The following MTO1 variants were observed in gnomAD, a reference collection of about 807,000 sequenced individuals.
The protein encoded by MTO1 is 5-taurinomethyluridine-[tRNA] synthase subunit MTO1, mitochondrial.
In MTO1, 46 loss-of-function variants were observed where a neutral mutation model predicts 71.6. The observed-to-expected ratio is 0.64, with a 90% CI of 0.51 to 0.82. The LOEUF (loss-of-function observed/expected upper bound fraction) is 0.82. Ranked by LOEUF, MTO1 falls within the 40% of genes least tolerant of loss-of-function variation. MTO1 has a pLI of 0.00. For missense variants in MTO1, 773 were observed against 867.5 expected, an observed-to-expected ratio of 0.89 and a Z score of 1.37; for synonymous variants, 297 against 312.1, an observed-to-expected ratio of 0.95 and a Z score of 0.51.
intron 3 of MTO1, among the ~76,000 whole-genome samples, chr6:73,473,001 C>T (rs966419273): frequency 1.1e-4 from 16 of 152,146 alleles, no homozygotes; most frequent in East Asian, 3.9e-4. Flanking sequence ...TTAGGCCGGG[C>T]GCGGTGGCTC....
chr6:73,473,849 C>T (rs964125604), intron 4 of MTO1, among the ~76,000 whole-genome samples, 195 bp downstream of exon 4: 2 of 144,608 alleles, frequency 1.4e-5, no homozygotes, highest in South Asian at 2.2e-4. Context: ...TGCAGTGGTA[C>T]AATTATGGGT....
Position 73,498,333 on chromosome 6 carries a change from T to G in MTO1, c.1917+437T>G, listed in dbSNP as rs187793006. Among the ~76,000 whole-genome samples, 10 of 152,030 alleles carry G rather than the reference T, an allele frequency of 6.6e-5. No homozygotes were observed. In the East Asian group the frequency reaches 1.7e-3, roughly 26 times the overall value. ...AATAACTGGAAGTCAAGAATTGGTT[T>G]GATTGGAACTATTCTCTAGTCCCAA... is the stretch of plus-strand genomic sequence containing the variant. On this transcript the variant is annotated intron_variant, in intron 11 of 11. Transcript: ENST00000498286.
Position 73,508,044 on chromosome 6 carries a change from C to T in MTO1, c.*7309C>T. 6.6e-6 allele frequency: 1 copy of T among 151,330 alleles called. No homozygotes were observed. Among genetic ancestry groups the T allele is most frequent in the Non-Finnish European group, 1.5e-5 (1 of 67,912 alleles). 9.4% of individuals were successfully genotyped at this position (151,330 alleles called of 1,614,324 possible). On this transcript the variant is annotated 3_prime_UTR_variant, in exon 12 of 12. Transcript: ENST00000498286. ...CAATCTGGAAGTCTGTTTCTCTTAACCTTCAGTTCCCATTCCAATCCTTTG... is the reference window on the plus strand; with the variant it reads ...CAATCTGGAAGTCTGTTTCTCTTAATCTTCAGTTCCCATTCCAATCCTTTG...
Position 73,480,747 on chromosome 6 carries a change from G to T in MTO1, c.1202G>T (p.Arg401Leu), listed in dbSNP as rs760900956. 6.2e-7 allele frequency: 1 copy of T among 1,613,836 alleles called. No homozygotes were observed. The highest frequency in any genetic ancestry group is 1.3e-5 in the African/African-American group (1 of 74,872). The change falls in exon 7 of 12, where the codon CGA (arginine) becomes CTA (leucine). Residue 401 changes from arginine to leucine, a missense_variant. Coordinates refer to ENST00000498286, the MANE Select transcript of MTO1 (RefSeq NM_012123.4). The part of the protein sequence containing the change: ...TPSLETHLVQ[R>L]LFFAGQINGT... Reference sequence around the variant, plus strand: ...TCCTTGGAGACTCATTTGGTTCAACGACTCTTCTTTGCTGGACAGATCAAT... The same window carrying T: ...TCCTTGGAGACTCATTTGGTTCAACTACTCTTCTTTGCTGGACAGATCAAT...
intron 9 of MTO1, among the ~76,000 whole-genome samples, chr6:73,487,258 T>A (rs1336620103): frequency 1.3e-5 from 2 of 151,112 alleles, no homozygotes; most frequent in Admixed American, 6.6e-5. Flanking sequence ...AGTGGCACAA[T>A]TTCTGCTCAC....
Position 73,461,921 on chromosome 6 carries a change from G to A in MTO1, c.67G>A (p.Ala23Thr), listed in dbSNP as rs1220022898. ...VSFTKQQFPL[A>T]RLSSDSAAPR... ...CTTCACCAAGCAGCAATTTCCGTTG[G>A]CACGGTTGAGCAGTGACAGCGCGGC... Residue 23 changes from alanine to threonine, a missense_variant, in exon 1 of 12, where the codon GCA becomes ACA. Physicochemically the swap from Ala to Thr is moderately conservative, Grantham distance 58. Coordinates refer to ENST00000498286, the MANE Select transcript of MTO1 (RefSeq NM_012123.4). The A allele has an allele frequency of 1.9e-6, 3 of 1,614,230 alleles. 1 individual carries two copies. The South Asian group carries it at 3.3e-5, about 18-fold the overall frequency.
chr6:73,468,321 G>A (rs11969010), intron 3 of MTO1, among the ~76,000 whole-genome samples: 5,134 of 152,106 alleles, frequency 0.034, 298 homozygotes, highest in Admixed American at 0.15. Context: ...GTTTCACCAT[G>A]TTGGTCAGGC....
In MTO1 at chr6:73,497,844, T is replaced by C; in HGVS notation, c.1865T>C (p.Val622Ala). The change falls in exon 11 of 12, where the codon GTG (valine) becomes GCG (alanine). Residue 622 changes from valine to alanine, a missense_variant. Physicochemically the swap from Val to Ala is moderately conservative, Grantham distance 64 (BLOSUM62 0). Coordinates refer to ENST00000498286, the MANE Select transcript of MTO1 (RefSeq NM_012123.4). ...CTAGATTATTTGACTATCAGGGATG[T>C]GTCTTTGTCCCATGAAGTTCGAGAG... Reference protein sequence around the residue: ...KDLDYLTIRDVSLSHEVREKL... With the variant: ...KDLDYLTIRDASLSHEVREKL... The C allele has an allele frequency of 6.2e-7, 1 of 1,613,986 alleles. No homozygotes were observed. The highest frequency in any genetic ancestry group is 8.5e-7 in the Non-Finnish European group (1 of 1,179,874).
chr6:73,474,604 A>G (rs1316624613), intron 4 of MTO1, among the ~76,000 whole-genome samples: 1 of 151,126 alleles, frequency 6.6e-6, no homozygotes, highest in Admixed American at 6.6e-5. Flanking sequence ...ACCCGCCATC[A>G]TGCCTGGCTA....
Position 73,504,541 on chromosome 6 carries a change from A to G in MTO1, c.*3806A>G, listed in dbSNP as rs1309519485. On this transcript the variant is annotated 3_prime_UTR_variant, in exon 12 of 12. Coordinates refer to ENST00000498286, the MANE Select transcript of MTO1 (RefSeq NM_012123.4). ...CTTTTTAAATAGATTAATGAATACT[A>G]CTAAAGGCAAGAAATGGTATTACTA... 1 of 152,244 alleles carries G rather than the reference A, an allele frequency of 6.6e-6. No individual in the cohort carries two copies. Among genetic ancestry groups the G allele is most frequent in the Non-Finnish European group, 1.5e-5 (1 of 68,046 alleles). The allele number at this position is 152,244 out of a possible 1,614,324, so 9.4% of individuals were successfully genotyped here. A position where few individuals can be genotyped will look rare whatever the true frequency, so the allele number is the denominator to read the frequency against.
At chr6:73,476,027 T>C (rs940785602) in intron 4 of MTO1, among the ~76,000 whole-genome samples, 26 of 152,018 alleles carry the variant, frequency 1.7e-4, no homozygotes, top group African/African-American at 6.3e-4. Context: ...TGGGGTGGGA[T>C]TTCAGACATA....
At chr6:73,477,765 C>T (rs1341813015) in intron 4 of MTO1, among the ~76,000 whole-genome samples, 1 of 151,888 alleles carries the variant, frequency 6.6e-6, no homozygotes, top group Non-Finnish European at 1.5e-5. Flanking sequence ...CCTTGGGCCC[C>T]AAAAGTGCTG....
chr6:73,487,164 G>C (rs908589820), intron 9 of MTO1, among the ~76,000 whole-genome samples: 3 of 150,668 alleles, frequency 2.0e-5, no homozygotes, highest in African/African-American at 7.3e-5. Context: ...ATGAACATGG[G>C]TATACAAAGA....
chr6:73,494,394 A>G (rs1561953039), intron 10 of MTO1, among the ~76,000 whole-genome samples: 1 of 152,200 alleles, frequency 6.6e-6, no homozygotes. Flanking sequence ...TGCTGTTCAA[A>G]CAGGAAAAGA....
At position 73,470,010 on chromosome 6, in the gene MTO1, A is replaced by G. The variant is rs540752486; in HGVS notation, c.536-3355A>G. 4.6e-5 allele frequency among the ~76,000 whole-genome samples: 7 copies of G among 152,242 alleles called. No homozygotes were observed. The South Asian group carries it at 1.5e-3, about 32-fold the overall frequency. The stretch of plus-strand genomic sequence containing the variant: ...CGAGCAAAACTCCGTCTCAAAAAAA[A>G]AGAAAAGATTTGAACCAGCCTTTTG... On this transcript the variant is annotated intron_variant, in intron 3 of 11. Transcript: ENST00000498286.
chr6:73,481,772 T>TA (rs1220769645), intron 7 of MTO1, among the ~76,000 whole-genome samples: 1 of 151,764 alleles, frequency 6.6e-6, no homozygotes, highest in Admixed American at 6.6e-5. Context: ...TGTCTCCGGA[T>TA]AAAAAAAAGA....
chr6:73,469,782 G>C (rs1240437262), intron 3 of MTO1, among the ~76,000 whole-genome samples: 1 of 152,172 alleles, frequency 6.6e-6, no homozygotes, highest in Admixed American at 6.6e-5. Context: ...GAGGTGGGTG[G>C]ATCACCTGAG....
chr6:73,495,329 C>A (rs763366325), intron 10 of MTO1, among the ~76,000 whole-genome samples: 1 of 152,128 alleles, frequency 6.6e-6, no homozygotes, highest in African/African-American at 2.4e-5. Context: ...GTAAAAATTT[C>A]TTTATTAAAC....
At position 73,466,519 on chromosome 6, in the gene MTO1, G is replaced by C. The variant is rs767983065; in HGVS notation, c.448G>C (p.Val150Leu). ...AATCTTGAATACACCACTGCTTACT[G>C]TTCAGGAGGGAGCTGTAGAAGATCT... ...KEILNTPLLT[V>L]QEGAVEDLIL... Residue 150 changes from valine to leucine, a missense_variant, in exon 3 of 12, where the codon GTT (valine) becomes CTT (leucine). Coordinates refer to ENST00000498286, the MANE Select transcript of MTO1 (RefSeq NM_012123.4). 7.4e-6 allele frequency: 12 copies of C among 1,614,028 alleles called. No homozygotes were observed. In the South Asian group the frequency reaches 9.9e-5, roughly 13 times the overall value.
Sources: allele counts gnomAD v4.1 joint callset (sites outside exome capture counted in the v4.1 genomes callset), GRCh38; gene constraint gnomAD v4.1.1; transcripts MANE v1.5; gene names NCBI Gene and HGNC (gene_info 2026-07-23, HGNC 2026-07-21).